The following BBOX1 variants were observed in gnomAD, a reference collection of about 807,000 sequenced individuals.
BBOX1 encodes gamma-butyrobetaine dioxygenase.
A neutral mutation model predicts 41.6 loss-of-function variants in BBOX1; 35 were observed. The observed-to-expected ratio is 0.84, with a 90% confidence interval of 0.64 to 1.11. The LOEUF is 1.11. BBOX1 is among the 50% of genes most tolerant of loss of function. The pLI, the probability that BBOX1 is intolerant of heterozygous loss-of-function variation, is 0.00. For synonymous variants in BBOX1, 163 were observed against 154.7 expected, an observed-to-expected ratio of 1.05 and a Z score of -0.40; for missense variants, 458 against 460.6, an observed-to-expected ratio of 0.99 and a Z score of 0.05.
chr11:27,045,669 C>T (rs752669388), intron 2 of BBOX1, among the ~76,000 whole-genome samples: 1 of 152,070 alleles, frequency 6.6e-6, no homozygotes, highest in Non-Finnish European at 1.5e-5. Context: ...AAGCATCATA[C>T]TTCTCCTGAG....
Position 27,127,433 on chromosome 11 carries a change from A to G in BBOX1, c.1144A>G (p.Arg382Gly), listed in dbSNP as rs1859708852. 6 of 1,606,916 alleles carry G rather than the reference A, an allele frequency of 3.7e-6. No individual in the cohort carries two copies. The highest frequency in any genetic ancestry group is 1.1e-5 in the South Asian group (1 of 88,960). The change falls in exon 9 of 9, where the codon AGG (arginine) becomes GGG (glycine). Residue 382 changes from arginine to glycine, a missense_variant. Arg to Gly is a moderately radical substitution (Grantham distance 125). Transcript: ENST00000263182. ...VMSRLRILRQ[R>G]VENGN ...GTCAAGGCTTCGTATCTTAAGGCAG[A>G]GGGTGGAGAATGGAAACTGAAGTCA...
In BBOX1 at chr11:27,125,709, A is replaced by G. The variant is rs758227491; in HGVS notation, c.892A>G (p.Thr298Ala). 6.2e-7 allele frequency: 1 copy of G among 1,610,586 alleles called. No individual in the cohort carries two copies. Among genetic ancestry groups the G allele is most frequent in the Non-Finnish European group, 8.5e-7 (1 of 1,178,072 alleles). ...CAACTTCAATAACGCAACTAGGGAC[A>G]CAATATTTGATGTGCCTGTTGAAAG... Reference protein sequence around the residue: ...RINFNNATRDTIFDVPVERVQ... With the variant: ...RINFNNATRDAIFDVPVERVQ... Residue 298 changes from threonine (T) to alanine (A), a missense_variant, in exon 8 of 9, where the codon ACA becomes GCA. Physicochemically the swap from Thr to Ala is moderately conservative, Grantham distance 58. Coordinates refer to ENST00000263182, the MANE Select transcript of BBOX1 (RefSeq NM_003986.3).
chr11:27,124,345 C>T (rs899954534), intron 7 of BBOX1, among the ~76,000 whole-genome samples: 3 of 152,072 alleles, frequency 2.0e-5, no homozygotes. Context: ...CCTGTTTCTA[C>T]CTAAAGAAAA....
rs117064363 is a variant in BBOX1, at chr11:27,087,888, C to T, written c.335-5280C>T. 7.6e-3 allele frequency among the ~76,000 whole-genome samples: 1,160 copies of T among 152,128 alleles called. 8 individuals carry two copies. Among genetic ancestry groups the T allele is most frequent in the Non-Finnish European group, 0.012 (799 of 67,962 alleles). On this transcript the variant is annotated intron_variant, in intron 4 of 8. Transcript: ENST00000263182. ...TGAAGAACTGAAAAACCATTATAACCACACTGTGATGGTAAAGTCCTGTAA... is the reference window on the plus strand; with the variant it reads ...TGAAGAACTGAAAAACCATTATAACTACACTGTGATGGTAAAGTCCTGTAA...
At position 27,127,583 on chromosome 11, in the gene BBOX1, C is replaced by G; in HGVS notation, c.*130C>G. ...AACAATGAACATGTAACTTCTCTCA[C>G]AAGAGTACTCTTTACTTTGTAATCA... On this transcript the variant is annotated 3_prime_UTR_variant, in exon 9 of 9. Coordinates refer to ENST00000263182, the MANE Select transcript of BBOX1 (RefSeq NM_003986.3). 1 of 1,038,484 alleles carries G rather than the reference C, an allele frequency of 9.6e-7. No individual in the cohort carries two copies. The highest frequency in any genetic ancestry group is 1.4e-6 in the Non-Finnish European group (1 of 731,660). 64.3% of individuals were successfully genotyped at this position (1,038,484 alleles called of 1,614,324 possible). A position where few individuals can be genotyped will look rare whatever the true frequency, so the allele number is the denominator to read the frequency against.
At chr11:27,121,172 C>T (rs531041150) in intron 7 of BBOX1, among the ~76,000 whole-genome samples, 37 of 152,012 alleles carry the variant, frequency 2.4e-4, no homozygotes, top group African/African-American at 8.4e-4. Context: ...AGCAGTTTCC[C>T]GAAACTGCTA....
chr11:27,116,732 A>G (rs1011240008), intron 6 of BBOX1, among the ~76,000 whole-genome samples: 7 of 151,960 alleles, frequency 4.6e-5, no homozygotes, highest in African/African-American at 1.7e-4. Context: ...ATTTTCAGAC[A>G]GCTACACAAC....
chr11:27,096,651 A>G (rs1277158770), intron 5 of BBOX1, among the ~76,000 whole-genome samples: 1 of 151,998 alleles, frequency 6.6e-6, no homozygotes, highest in Non-Finnish European at 1.5e-5. Context: ...AATGAGAATG[A>G]GAATAGCTAT....
At chr11:27,116,472 CAA>C (rs11336654) in intron 6 of BBOX1, among the ~76,000 whole-genome samples, 12,181 of 150,388 alleles carry the variant, frequency 0.081, 774 homozygotes, top group African/African-American at 0.18. Flanking sequence ...TAAAGTATAA[CAA>C]AAAAAAAAAA....
At chr11:27,094,420 C>T (rs1230830997) in intron 5 of BBOX1, among the ~76,000 whole-genome samples, 1 of 151,930 alleles carries the variant, frequency 6.6e-6, no homozygotes, top group African/African-American at 2.4e-5. Flanking sequence ...TGGTTTGGCC[C>T]ACATGATGTT....
Position 27,041,303 on chromosome 11 carries a change from C to T in BBOX1, c.-214C>T, listed in dbSNP as rs7358459. ...GAGACATCCTTCCTCATTTACAAAC[C>T]TCAGCTGTGTCTGGGGGCAGGGCCA... On this transcript the variant is annotated 5_prime_UTR_variant, in exon 2 of 9. Transcript: ENST00000263182. 1 of 151,832 alleles carries T rather than the reference C, an allele frequency of 6.6e-6. No individual in the cohort carries two copies. Among genetic ancestry groups the T allele is most frequent in the African/African-American group, 2.4e-5 (1 of 41,292 alleles). The allele number at this position is 151,832 out of a possible 1,614,324, so 9.4% of individuals were successfully genotyped here. A position where few individuals can be genotyped will look rare whatever the true frequency, so the allele number is the denominator to read the frequency against.
chr11:27,051,083 T>G (rs1190909743), intron 2 of BBOX1, among the ~76,000 whole-genome samples: 1 of 152,088 alleles, frequency 6.6e-6, no homozygotes, highest in Non-Finnish European at 1.5e-5. Context: ...CTGCATCTAT[T>G]GAAATGTCCA....
chr11:27,096,017 G>T (rs1858425736), intron 5 of BBOX1, among the ~76,000 whole-genome samples: 1 of 151,832 alleles, frequency 6.6e-6, no homozygotes. Flanking sequence ...TAACAGTACT[G>T]GTATTTGGCC....
At chr11:27,062,711 C>T (rs1222380679) in intron 4 of BBOX1, among the ~76,000 whole-genome samples, 4 of 152,052 alleles carry the variant, frequency 2.6e-5, no homozygotes, top group African/African-American at 4.8e-5. Context: ...CAAGGACTAC[C>T]GGCATCACAC....
chr11:27,047,557 C>T (rs1851523867), intron 2 of BBOX1, among the ~76,000 whole-genome samples: 1 of 151,728 alleles, frequency 6.6e-6, no homozygotes, highest in African/African-American at 2.4e-5. Flanking sequence ...TACTTTCAGC[C>T]AAAAAATTTT....
At chr11:27,117,685 A>G (rs1859316177) in intron 6 of BBOX1, among the ~76,000 whole-genome samples, 1 of 152,016 alleles carries the variant, frequency 6.6e-6, no homozygotes, top group Non-Finnish European at 1.5e-5. Flanking sequence ...CTGGGTTAAA[A>G]TTTGAAGCCT....
rs1410076525 is a variant in BBOX1 at position 27,057,063 on chromosome 11, TTAAA to T, written c.220-137_220-134del. On this transcript the variant is annotated intron_variant, in intron 3 of 8. Transcript: ENST00000263182. ...CCTGGCAACAGAGGAAGACTCCGAC[TTAAA>T]AAAAAAAAAAAAAAAAAATTAAGCA... 1.1e-4 allele frequency: 17 copies of T among 149,882 alleles called. 2 individuals carry two copies. Among genetic ancestry groups the T allele is most frequent in the East Asian group, 9.4e-4 (6 of 6,370 alleles). 9.3% of individuals were successfully genotyped at this position (149,882 alleles called of 1,614,324 possible).
At chr11:27,126,698 C>T (rs1196605321) in intron 8 of BBOX1, among the ~76,000 whole-genome samples, 16 of 135,910 alleles carry the variant, frequency 1.2e-4, no homozygotes, top group African/African-American at 4.4e-4. Flanking sequence ...TTTTTTGAGA[C>T]GGAGTCTTGC....
At chr11:27,125,972 G>T (rs1859636463) in intron 8 of BBOX1, 152 bp downstream of exon 8, 7 of 726,232 alleles carry the variant, frequency 9.6e-6, no homozygotes, top group Non-Finnish European at 1.5e-5. Flanking sequence ...TTATGTAGTG[G>T]ACTCGTGGCC....
Sources: gnomAD v4.1 joint callset for allele counts (sites outside exome capture counted in the v4.1 genomes callset) on GRCh38, gnomAD v4.1.1 for gene constraint, MANE v1.5 for transcripts, NCBI Gene and HGNC (gene_info 2026-07-23, HGNC 2026-07-21) for gene names.